The following KIAA0586 variants were observed in gnomAD, a reference collection of about 807,000 sequenced individuals.
KIAA0586 encodes the protein protein TALPID3.
In KIAA0586, 144 loss-of-function variants were observed where a neutral mutation model predicts 169.8. The ratio of observed to expected loss-of-function variants is 0.85; its 90% CI spans 0.74 to 0.97. The LOEUF (loss-of-function observed/expected upper bound fraction) is 0.97. Ranked by LOEUF, KIAA0586 falls within the 50% of genes least tolerant of loss-of-function variation. The pLI, the probability that KIAA0586 is intolerant of heterozygous loss-of-function variation, is 0.00. For synonymous variants in KIAA0586, 625 were observed against 612.4 expected (o/e 1.02, Z -0.30); for missense variants, 1,854 against 1,823.0 (o/e 1.02, Z -0.31).
chr14:58,546,056 A>G (rs1480732407), intron 30 of KIAA0586, among the ~76,000 whole-genome samples: 5 of 152,278 alleles, frequency 3.3e-5, no homozygotes, highest in Admixed American at 3.3e-4. Flanking sequence ...TAAAAAATAC[A>G]GTCTTTAGTG....
chr14:58,490,741 A>G (rs2042787658), intron 25 of KIAA0586, among the ~76,000 whole-genome samples: 1 of 152,120 alleles, frequency 6.6e-6, no homozygotes, highest in African/African-American at 2.4e-5. Context: ...AAAATATCAC[A>G]TTATATATAA....
rs187175166 is a variant in KIAA0586 at position 58,533,365 on chromosome 14, C to G, written c.4430-6706C>G. On this transcript the variant is annotated intron_variant, in intron 29 of 30. Transcript: ENST00000652326. ...AAATATTTATCTTTGGCAAAAAGACCTGTACACCAAACTTCAATTAATGAG... is the reference window on the plus strand; with the variant it reads ...AAATATTTATCTTTGGCAAAAAGACGTGTACACCAAACTTCAATTAATGAG... Among the ~76,000 whole-genome samples, 6 of 152,308 alleles carry G rather than the reference C, an allele frequency of 3.9e-5. No homozygotes were observed. The East Asian group carries it at 1.2e-3, about 29-fold the overall frequency.
intron 30 of KIAA0586, among the ~76,000 whole-genome samples, chr14:58,540,849 A>G (rs1389015712): frequency 6.6e-6 from 1 of 152,224 alleles, no homozygotes; most frequent in South Asian, 2.1e-4. Context: ...TCAAATGATG[A>G]GGCACCTTCT....
chr14:58,437,805 C>T (rs2037962181), intron 4 of KIAA0586, among the ~76,000 whole-genome samples: 1 of 149,802 alleles, frequency 6.7e-6, no homozygotes, highest in African/African-American at 2.5e-5. Flanking sequence ...TAGTCTAAGT[C>T]TAAGCTCTGG....
chr14:58,531,891 T>C (rs1241513612), intron 29 of KIAA0586, among the ~76,000 whole-genome samples: 2 of 152,078 alleles, frequency 1.3e-5, no homozygotes, highest in Non-Finnish European at 2.9e-5. Context: ...TGCAGGGACA[T>C]GGATGAAGCT....
At chr14:58,521,149 T>A in intron 29 of KIAA0586, 1 of 568,990 alleles carries the variant, frequency 1.8e-6, no homozygotes, top group Non-Finnish European at 3.2e-6. Context: ...CTCTTCTGCC[T>A]GCTCACTTCT....
At chr14:58,557,314 G>A in the KIAA0586 span, among the ~76,000 whole-genome samples, 3 of 152,192 alleles carry the variant, frequency 2.0e-5, no homozygotes, top group Non-Finnish European at 4.4e-5. Context: ...TCCTTATATA[G>A]AAGAGGGAGT....
chr14:58,540,486 A>C (rs1257820040), intron 30 of KIAA0586, among the ~76,000 whole-genome samples: 1 of 152,242 alleles, frequency 6.6e-6, no homozygotes, highest in Admixed American at 6.5e-5. Flanking sequence ...AAGTCATTTT[A>C]AACAAAGTGA....
At chr14:58,509,275 C>T (rs957901781) in intron 28 of KIAA0586, among the ~76,000 whole-genome samples, 4 of 151,878 alleles carry the variant, frequency 2.6e-5, no homozygotes, top group Non-Finnish European at 5.9e-5. Flanking sequence ...AGTAAGGTAG[C>T]GATTTCATTT....
chr14:58,540,218 A>G (rs1435019194), intron 30 of KIAA0586, 82 bp downstream of exon 30: 1 of 770,804 alleles, frequency 1.3e-6, no homozygotes, highest in Non-Finnish European at 2.2e-6. Context: ...TCTCATAATA[A>G]TCAACACAGT....
At chr14:58,428,706 T>G (rs1378578260) in intron 1 of KIAA0586, among the ~76,000 whole-genome samples, 1 of 151,802 alleles carries the variant, frequency 6.6e-6, no homozygotes. Flanking sequence ...GCATATTTTT[T>G]TTTTTATATT....
chr14:58,463,519 A>G (rs1012967333), intron 14 of KIAA0586, among the ~76,000 whole-genome samples: 1 of 152,222 alleles, frequency 6.6e-6, no homozygotes, highest in Non-Finnish European at 1.5e-5. Context: ...TCCTGGGGTC[A>G]TAAACAAAAA....
chr14:58,536,104 T>A (rs1460580941), intron 29 of KIAA0586, among the ~76,000 whole-genome samples: 1 of 152,174 alleles, frequency 6.6e-6, no homozygotes, highest in Non-Finnish European at 1.5e-5. Flanking sequence ...TTCAATTTTT[T>A]AAAAATACCA....
intron 29 of KIAA0586, among the ~76,000 whole-genome samples, chr14:58,524,996 T>C (rs1049737075): frequency 6.6e-5 from 10 of 152,174 alleles, no homozygotes; most frequent in Admixed American, 2.6e-4. Context: ...TGAGCCACCA[T>C]GCCCAGCCCT....
chr14:58,495,409 C>T (rs1383102318), intron 26 of KIAA0586, among the ~76,000 whole-genome samples: 1 of 151,950 alleles, frequency 6.6e-6, no homozygotes, highest in Non-Finnish European at 1.5e-5. Flanking sequence ...TCAAGCAATC[C>T]TCCCATCTCA....
At chr14:58,500,662 A>T (rs566202982) in intron 27 of KIAA0586, among the ~76,000 whole-genome samples, 1 of 151,524 alleles carries the variant, frequency 6.6e-6, no homozygotes, top group South Asian at 2.1e-4. Context: ...CAGAGGTTGC[A>T]GTGAGCCGAA....
chr14:58,516,077 C>T (rs1237643950), intron 29 of KIAA0586, among the ~76,000 whole-genome samples: 1 of 152,108 alleles, frequency 6.6e-6, no homozygotes, highest in Non-Finnish European at 1.5e-5. Context: ...ACCAATCAAG[C>T]AGATAAGAAG....
At position 58,482,657 on chromosome 14, in the gene KIAA0586, G is replaced by A. The variant is rs2042116751; in HGVS notation, c.3089G>A (p.Gly1030Asp). 1 of 1,606,738 alleles carries A rather than the reference G, an allele frequency of 6.2e-7. No homozygotes were observed. The highest frequency in any genetic ancestry group is 1.1e-5 in the South Asian group (1 of 89,564). The change falls in exon 21 of 31, where the codon GGT becomes GAT. Residue 1030 changes from glycine (G) to aspartate (D), a missense_variant. By Grantham distance (94) the Gly-to-Asp change is moderately conservative (BLOSUM62 -1). Coordinates refer to ENST00000652326, the MANE Select transcript of KIAA0586 (RefSeq NM_001329943.3). ...MLGDREAKKQ[G>D]PVATGVSGDA... ...GGTGACAGAGAAGCAAAGAAGCAAGGTCCTGTTGCTACAGGTGTTTCTGGG... is the reference window on the plus strand; with the variant it reads ...GGTGACAGAGAAGCAAAGAAGCAAGATCCTGTTGCTACAGGTGTTTCTGGG...
At chr14:58,444,304 ATCTT>A (rs2038667876) in intron 6 of KIAA0586, 129 bp downstream of exon 6, 2 of 664,192 alleles carry the variant, frequency 3.0e-6, no homozygotes, top group Non-Finnish European at 5.3e-6. Context: ...TGATTTGCTT[ATCTT>A]TCTTCTCCTG....
Sources: allele counts gnomAD v4.1 joint callset (sites outside exome capture counted in the v4.1 genomes callset), GRCh38; gene constraint gnomAD v4.1.1; transcripts MANE v1.5; gene names NCBI Gene and HGNC (gene_info 2026-07-23, HGNC 2026-07-21).